The following MAP4 variants were observed in gnomAD, a reference collection of about 807,000 sequenced individuals.
MAP4 encodes microtubule associated protein 4.
A neutral mutation model predicts 170.2 loss-of-function variants in MAP4; 76 were observed. The ratio of observed to expected loss-of-function variants is 0.45; its 90% CI spans 0.37 to 0.54. The LOEUF is 0.54. Among genes scored for constraint, MAP4 ranks in the 20% least tolerant of loss-of-function variants. MAP4 has a pLI of 0.00. For synonymous variants in MAP4, 909 were observed against 994.5 expected (o/e 0.91, Z 1.62); for missense variants, 2,506 against 2,748.0 (o/e 0.91, Z 1.97).
At chr3:47,904,885 G>A (rs950069062) in intron 9 of MAP4, among the ~76,000 whole-genome samples, 7 of 152,162 alleles carry the variant, frequency 4.6e-5, no homozygotes, top group Admixed American at 4.6e-4. Flanking sequence ...GGCCAGGCTG[G>A]TCTTGAACTC....
chr3:47,988,905 T>C (rs555607022), intron 2 of MAP4, among the ~76,000 whole-genome samples: 1 of 152,242 alleles, frequency 6.6e-6, no homozygotes, highest in Non-Finnish European at 1.5e-5. Flanking sequence ...CTCCACCTTC[T>C]GGGTTCAAGA....
intron 17 of MAP4, among the ~76,000 whole-genome samples, chr3:47,860,068 G>A (rs1272352227): frequency 6.6e-6 from 1 of 152,184 alleles, no homozygotes; most frequent in African/African-American, 2.4e-5. Flanking sequence ...CCAAAGATCT[G>A]GTAGCTGCTT....
chr3:47,885,652 T>A (rs1204322823), intron 10 of MAP4, among the ~76,000 whole-genome samples: 1 of 152,136 alleles, frequency 6.6e-6, no homozygotes, highest in African/African-American at 2.4e-5. Context: ...AGTCAAAAAC[T>A]GAGTATTTTT....
At chr3:47,887,668 C>T (rs1388259581) in intron 10 of MAP4, among the ~76,000 whole-genome samples, 1 of 152,258 alleles carries the variant, frequency 6.6e-6, no homozygotes, top group Non-Finnish European at 1.5e-5. Flanking sequence ...CCCAGCTGGG[C>T]TCCTGAGTCT....
chr3:47,912,307 C>A lies in MAP4; in HGVS notation c.2114G>T (p.Gly705Val). Residue 705 changes from glycine to valine, a missense_variant, in exon 9 of 21, where the codon GGC becomes GTC. Gly to Val is a moderately radical substitution (Grantham distance 109). Transcript: ENST00000683076. ...PARVPPELLG[G>V]SPPWKTLDHR... ...ATCAAGAGTCTTCCATGGAGGAGAG[C>A]CTCCCAGCAGCTCAGGAGGGACCCT... The A allele has an allele frequency of 2.6e-6, 4 of 1,536,158 alleles. No individual in the cohort carries two copies. The highest frequency in any genetic ancestry group is 2.4e-5 in the South Asian group (2 of 84,060).
Position 47,910,640 on chromosome 3 carries a change from C to T in MAP4, c.3781G>A (p.Gly1261Arg), listed in dbSNP as rs1246721887. The T allele has an allele frequency of 6.5e-7, 1 of 1,536,050 alleles. No homozygotes were observed. Among genetic ancestry groups the T allele is most frequent in the Non-Finnish European group, 8.7e-7 (1 of 1,146,892 alleles). ...TCATGCATTTTGGGGAAAGTAAATC[C>T]TATTTCCTTGCTTTTATGGGGAATA... ...GSIPHKSKEI[G>R]FTFPKMHDSS... is the part of the protein sequence containing the mutation. The change falls in exon 9 of 21, where the codon GGA (glycine) becomes AGA (arginine). Residue 1261 changes from glycine to arginine, a missense_variant. This residue lies in a region of MAP4 where 2,008 missense variants were observed against 2,206.0 expected (regional missense o/e 0.91). Transcript: ENST00000683076.
intron 10 of MAP4, among the ~76,000 whole-genome samples, chr3:47,896,877 C>G (rs1326269584): frequency 6.6e-6 from 1 of 152,142 alleles, no homozygotes; most frequent in Non-Finnish European, 1.5e-5. Context: ...CCATTATATC[C>G]ATCAACAGTA....
rs200713824 is a variant in MAP4, at chr3:48,029,999, AT to A, written c.-19-31121del. On this transcript the variant is annotated intron_variant, in intron 1 of 18. Coordinates refer to the MAP4 transcript ENST00000360240. ...GCAAGATTCCATCTCAAAAAAAAAA[AT>A]ATATATATATAATATATGTATTATA... 1.2e-3 allele frequency among the ~76,000 whole-genome samples: 179 copies of A among 145,706 alleles called. 2 individuals are homozygous for A. Among genetic ancestry groups the A allele is most frequent in the Admixed American group, 4.0e-3 (58 of 14,380 alleles).
chr3:47,864,869 A>G (rs948618768), intron 17 of MAP4, among the ~76,000 whole-genome samples: 1 of 152,072 alleles, frequency 6.6e-6, no homozygotes, highest in Non-Finnish European at 1.5e-5. Flanking sequence ...TTTTTTTTGT[A>G]GAGACGGGGG....
At chr3:48,053,206 C>A (rs2100128832) in intron 1 of MAP4, among the ~76,000 whole-genome samples, 1 of 152,098 alleles carries the variant, frequency 6.6e-6, no homozygotes, top group Non-Finnish European at 1.5e-5. Flanking sequence ...ATAGCTAATA[C>A]CAAAAATCCT....
At chr3:48,059,342 C>T (rs2100133910) in intron 1 of MAP4, among the ~76,000 whole-genome samples, 1 of 151,558 alleles carries the variant, frequency 6.6e-6, no homozygotes, top group Admixed American at 6.6e-5. Flanking sequence ...TGGTGAAACC[C>T]CGTTTCTACT....
At chr3:47,894,202 A>G (rs1463484288) in intron 10 of MAP4, among the ~76,000 whole-genome samples, 1 of 152,210 alleles carries the variant, frequency 6.6e-6, no homozygotes, top group East Asian at 1.9e-4. Flanking sequence ...TCCATACTCT[A>G]TGGCAAAGAT....
At chr3:48,034,784 G>A (rs1442417182) in intron 1 of MAP4, among the ~76,000 whole-genome samples, 4 of 151,972 alleles carry the variant, frequency 2.6e-5, no homozygotes, top group African/African-American at 9.7e-5. Context: ...AGGCTGAGGT[G>A]GGAGGATTGC....
intron 1 of MAP4, among the ~76,000 whole-genome samples, chr3:48,043,213 G>C (rs565347283): frequency 1.4e-4 from 22 of 152,260 alleles, no homozygotes; most frequent in African/African-American, 5.3e-4. Context: ...CGATTCTTGT[G>C]CCTCAGCCTC....
intron 2 of MAP4, among the ~76,000 whole-genome samples, chr3:47,985,523 T>A (rs1169067765): frequency 6.6e-6 from 1 of 152,194 alleles, no homozygotes; most frequent in East Asian, 1.9e-4. Context: ...AAAGTTATTA[T>A]CACCAATAAT....
At position 47,910,908 on chromosome 3, in the gene MAP4, A is replaced by T. The variant is rs912965730; in HGVS notation, c.3513T>A (p.Gly1171=). 14 of 1,536,058 alleles carry T rather than the reference A, an allele frequency of 9.1e-6. No individual in the cohort carries two copies. The Admixed American group carries it at 2.7e-4, about 30-fold the overall frequency. The change falls in exon 9 of 21, where the codon GGT becomes GGA. Residue 1171 remains glycine (G), a synonymous_variant. Coordinates refer to ENST00000683076, the MANE Select transcript of MAP4 (RefSeq NM_001385682.1). ...CTACATCTCCTGTTTCTGTGCTAACACCAGAAGTCTGAGTCATGCCTGATC... is the reference window on the plus strand; with the variant it reads ...CTACATCTCCTGTTTCTGTGCTAACTCCAGAAGTCTGAGTCATGCCTGATC... ...ESGSGMTQTS[G]VSTETGDVVK...
At chr3:47,897,987 T>C (rs958469024) in intron 10 of MAP4, among the ~76,000 whole-genome samples, 3 of 151,974 alleles carry the variant, frequency 2.0e-5, no homozygotes, top group African/African-American at 7.3e-5. Flanking sequence ...GCTTTAATTA[T>C]GCAAAGAGTA....
chr3:47,898,935 G>A (rs1314141152), intron 10 of MAP4, among the ~76,000 whole-genome samples: 5 of 152,152 alleles, frequency 3.3e-5, no homozygotes, highest in African/African-American at 1.2e-4. Flanking sequence ...ACTCCAGCCT[G>A]AGCGACAGAG....
chr3:47,965,771 T>A (rs2100074487), intron 3 of MAP4, among the ~76,000 whole-genome samples: 1 of 152,186 alleles, frequency 6.6e-6, no homozygotes, highest in Non-Finnish European at 1.5e-5. Flanking sequence ...TAGAAGTTAT[T>A]TACATATTCT....
Sources: gnomAD v4.1 joint callset for allele counts (sites outside exome capture counted in the v4.1 genomes callset) on GRCh38, gnomAD v4.1.1 for gene constraint, gnomAD v4.1.1 regional missense constraint, MANE v1.5 for transcripts, NCBI Gene and HGNC (gene_info 2026-07-23, HGNC 2026-07-21) for gene names.